Variants in MEGF11 observed in about 807,000 individuals in gnomAD.
MEGF11 encodes multiple epidermal growth factor-like domains protein 11.
In MEGF11, 126 loss-of-function variants were observed where a neutral mutation model predicts 146.6. The ratio of observed to expected loss-of-function variants is 0.86; its 90% CI spans 0.74 to 1.00. The LOEUF is 1.00. MEGF11 is among the 50% of genes least tolerant of loss of function. The pLI, the probability that MEGF11 is intolerant of heterozygous loss-of-function variation, is 0.00. For synonymous variants in MEGF11, 532 were observed against 583.4 expected, an observed-to-expected ratio of 0.91 and a Z score of 1.27; for missense variants, 1,509 against 1,521.2, an observed-to-expected ratio of 0.99 and a Z score of 0.13.
intron 5 of MEGF11, among the ~76,000 whole-genome samples, chr15:66,027,220 A>G (rs563776140): frequency 6.6e-6 from 1 of 152,158 alleles, no homozygotes; most frequent in South Asian, 2.1e-4. Flanking sequence ...TCAGCACACA[A>G]AGACTCAGAA....
intron 23 of MEGF11, 82 bp from the exon 24 acceptor site, chr15:65,906,223 C>G: frequency 9.7e-7 from 1 of 1,033,180 alleles, no homozygotes; most frequent in Non-Finnish European, 1.5e-6. Flanking sequence ...TCTTTTCTTG[C>G]TTTTCCCCCC....
At chr15:66,235,013 CCA>C (rs746817886) in intron 1 of MEGF11, among the ~76,000 whole-genome samples, 2 of 152,170 alleles carry the variant, frequency 1.3e-5, no homozygotes, top group Non-Finnish European at 2.9e-5. Context: ...TCCTATGCTT[CCA>C]CACCCTCCAC....
At chr15:66,178,062 C>A (rs1444066681) in intron 1 of MEGF11, among the ~76,000 whole-genome samples, 1 of 152,194 alleles carries the variant, frequency 6.6e-6, no homozygotes, top group African/African-American at 2.4e-5. Flanking sequence ...CATCTCACTG[C>A]AGCCTCTACA....
intron 5 of MEGF11, among the ~76,000 whole-genome samples, chr15:66,033,684 A>G (rs1227117745): frequency 6.6e-6 from 1 of 152,314 alleles, no homozygotes; most frequent in East Asian, 1.9e-4. Context: ...CCCAACCCCC[A>G]CACCAGTGTG....
chr15:66,121,363 T>C (rs1291980674), intron 3 of MEGF11, among the ~76,000 whole-genome samples: 1 of 152,186 alleles, frequency 6.6e-6, no homozygotes, highest in African/African-American at 2.4e-5. Context: ...CACCTCCTCA[T>C]TCCACAGTCA....
intron 1 of MEGF11, among the ~76,000 whole-genome samples, chr15:66,132,380 C>T (rs1439299881): frequency 6.6e-6 from 1 of 152,260 alleles, no homozygotes; most frequent in Non-Finnish European, 1.5e-5. Flanking sequence ...CCTACCCCAC[C>T]TGCTTCACTT....
chr15:66,185,065 C>A (rs549192927), intron 1 of MEGF11, among the ~76,000 whole-genome samples: 5 of 152,286 alleles, frequency 3.3e-5, no homozygotes, highest in African/African-American at 1.2e-4. Flanking sequence ...TGTTCTGCAG[C>A]CAACACAGTG....
chr15:66,241,240 A>G lies in MEGF11; in HGVS notation c.-9+12365T>C, dbSNP rs541002311. Among the ~76,000 whole-genome samples the G allele has an allele frequency of 4.4e-3, 673 of 152,274 alleles. 4 individuals are homozygous for G. Among genetic ancestry groups the G allele is most frequent in the Admixed American group, 7.5e-3 (114 of 15,292 alleles). On this transcript the variant is annotated intron_variant, in intron 1 of 25. Coordinates refer to ENST00000395614, the MANE Select transcript of MEGF11 (RefSeq NM_001385028.1). ...TGGAAGACTGTCACAGTGTCCCCCA[A>G]GCTGGAGGCCCAGGGAGGGGCAGTG...
At chr15:66,140,468 A>G (rs1470531351) in intron 1 of MEGF11, among the ~76,000 whole-genome samples, 1 of 152,186 alleles carries the variant, frequency 6.6e-6, no homozygotes, top group Non-Finnish European at 1.5e-5. Context: ...CTCCTCAGGC[A>G]GGCCTGGGCC....
At chr15:66,065,863 C>T (rs79043006) in intron 5 of MEGF11, among the ~76,000 whole-genome samples, 13,099 of 152,208 alleles carry the variant, frequency 0.086, 638 homozygotes, top group Middle Eastern at 0.11. Flanking sequence ...TTTCCCTCAC[C>T]TTCCAGGGAA....
intron 9 of MEGF11, among the ~76,000 whole-genome samples, chr15:65,960,802 A>G (rs2080831483): frequency 6.6e-6 from 1 of 152,212 alleles, no homozygotes; most frequent in Admixed American, 6.5e-5. Context: ...CTCCACACAC[A>G]ACGAGCTAGC....
intron 5 of MEGF11, among the ~76,000 whole-genome samples, chr15:66,016,340 G>A (rs1458835295): frequency 6.6e-6 from 1 of 152,156 alleles, no homozygotes; most frequent in East Asian, 1.9e-4. Context: ...CCATCAGAGA[G>A]CAGCAGCCTG....
intron 7 of MEGF11, among the ~76,000 whole-genome samples, chr15:65,978,698 C>G (rs1437178076): frequency 6.6e-6 from 1 of 152,210 alleles, no homozygotes; most frequent in Non-Finnish European, 1.5e-5. Context: ...TTTCTGAAAG[C>G]TGGTTGGAGA....
At chr15:66,241,733 T>C (rs928293205) in intron 1 of MEGF11, among the ~76,000 whole-genome samples, 2 of 152,018 alleles carry the variant, frequency 1.3e-5, no homozygotes, top group African/African-American at 4.8e-5. Flanking sequence ...CACACACACA[T>C]AGAGCAGTCA....
chr15:65,905,075 T>C (rs904441118), intron 24 of MEGF11, among the ~76,000 whole-genome samples: 2 of 152,204 alleles, frequency 1.3e-5, no homozygotes, highest in Non-Finnish European at 2.9e-5. Context: ...GTATGTTTAG[T>C]AGAGACAGGG....
At chr15:66,148,982 G>A (rs1185871280) in intron 1 of MEGF11, among the ~76,000 whole-genome samples, 1 of 152,254 alleles carries the variant, frequency 6.6e-6, no homozygotes. Context: ...CTCCAGAGCT[G>A]TAAGGAGATG....
chr15:66,170,929 C>G (rs895559048), intron 1 of MEGF11, among the ~76,000 whole-genome samples: 1 of 152,228 alleles, frequency 6.6e-6, no homozygotes, highest in South Asian at 2.1e-4. Context: ...CCAGCTCAGG[C>G]TCCAAAGCCC....
chr15:66,143,231 A>G (rs2089235570), intron 1 of MEGF11, among the ~76,000 whole-genome samples: 1 of 152,254 alleles, frequency 6.6e-6, no homozygotes, highest in Non-Finnish European at 1.5e-5. Flanking sequence ...GCCGAAGGTC[A>G]CACAGCTGAT....
chr15:66,094,470 T>A lies in MEGF11; in HGVS notation c.326A>T (p.His109Leu). ...CIPLCTEECV[H>L]GRCVSPDTCH... The stretch of plus-strand genomic sequence containing the variant: ...GGTGTCCGGGGAAACGCAGCGGCCG[T>A]GCACACACTCCTCCGTACACAGGGC... Residue 109 changes from histidine to leucine, a missense_variant, in exon 5 of 26, where the codon CAC (histidine) becomes CTC (leucine). His to Leu is a moderately conservative substitution (Grantham distance 99). Coordinates refer to ENST00000395614, the MANE Select transcript of MEGF11 (RefSeq NM_001385028.1). 1 of 1,560,258 alleles carries A rather than the reference T, an allele frequency of 6.4e-7. No homozygotes were observed. The highest frequency in any genetic ancestry group is 8.7e-7 in the Non-Finnish European group (1 of 1,152,058).
Sources: allele counts gnomAD v4.1 joint callset (sites outside exome capture counted in the v4.1 genomes callset), GRCh38; gene constraint gnomAD v4.1.1; transcripts MANE v1.5; gene names NCBI Gene and HGNC (gene_info 2026-07-23, HGNC 2026-07-21).